PRR3: variants seen among roughly 807,000 people sequenced by gnomAD.
The protein encoded by PRR3 is proline rich 3, also known as proline-rich protein 3.
A neutral mutation model predicts 22.4 loss-of-function variants in PRR3; 16 were observed. The ratio of observed to expected loss-of-function variants is 0.71; its 90% CI spans 0.48 to 1.09. PRR3 has a LOEUF of 1.09. Ranked by LOEUF, PRR3 falls within the 50% of genes least tolerant of loss-of-function variation. The probability of loss-of-function intolerance (pLI) is 0.00; values close to 1 mark genes in which losing one functional copy is unlikely to be tolerated. For synonymous variants in PRR3, 87 were observed against 88.6 expected (o/e 0.98, Z 0.10); for missense variants, 224 against 243.4 (o/e 0.92, Z 0.53).
rs558174691 is a variant in PRR3, at chr6:30,562,574, C to G, written c.*79C>G. 5.1e-5 allele frequency: 45 copies of G among 889,278 alleles called. No individual in the cohort carries two copies. The African/African-American group carries it at 5.8e-4, about 11-fold the overall frequency. 55.1% of individuals were successfully genotyped at this position (889,278 alleles called of 1,614,324 possible). On this transcript the variant is annotated 3_prime_UTR_variant, in exon 4 of 4. Coordinates refer to ENST00000376560, the MANE Select transcript of PRR3 (RefSeq NM_025263.4). ...TTATTTCTCTGTAGCCCTATGATGG[C>G]TACTGTGAGGCTCTTCTAACACCCT...
chr6:30,561,771 G>A lies in PRR3; in HGVS notation c.170-63G>A. On this transcript the variant is annotated intron_variant, in intron 2 of 3. Transcript: ENST00000376560. This position sits in a 1 kb window ranked among gnomAD's most constrained non-coding sequence, Gnocchi z 4.0. The stretch of plus-strand genomic sequence containing the variant: ...AATAAAAAAAATTTTTTTAATCACG[G>A]TTTATCAGGATTCAGCTGCCCATTA... The A allele has an allele frequency of 1.4e-6, 2 of 1,449,544 alleles. No homozygotes were observed. Among genetic ancestry groups the A allele is most frequent in the Non-Finnish European group, 9.1e-7 (1 of 1,096,770 alleles). The allele number at this position is 1,449,544 out of a possible 1,614,324, so 89.8% of individuals were successfully genotyped here. A position where few individuals can be genotyped will look rare whatever the true frequency, so the allele number is the denominator to read the frequency against.
Position 30,563,677 on chromosome 6 carries a change from T to A in PRR3, c.*1182T>A, listed in dbSNP as rs1286331743. 6.6e-6 allele frequency: 1 copy of A among 152,226 alleles called. No homozygotes were observed. Among genetic ancestry groups the A allele is most frequent in the African/African-American group, 2.4e-5 (1 of 41,384 alleles). 9.4% of individuals were successfully genotyped at this position (152,226 alleles called of 1,614,324 possible). ...TTTTTTTTTTTTTTTCTTTTTAACT[T>A]TTTTTATATTAGTAATAAATGCAGT... On this transcript the variant is annotated 3_prime_UTR_variant, in exon 4 of 4. Transcript: ENST00000376560.
intron 1 of PRR3, 51 bp from the exon 2 acceptor site, chr6:30,558,099 C>T (rs1183067815): frequency 1.1e-5 from 15 of 1,424,390 alleles, no homozygotes; most frequent in African/African-American, 1.4e-5. Flanking sequence ...AGAACAGAAT[C>T]ATCAGTCCTT....
intron 2 of PRR3, among the ~76,000 whole-genome samples, chr6:30,558,854 A>C (rs1800429959): frequency 6.6e-6 from 1 of 152,206 alleles, no homozygotes; most frequent in South Asian, 2.1e-4. Flanking sequence ...ATGATATTGG[A>C]TCAATTGGAT....
chr6:30,557,245 G>T, upstream of PRR3: 1 of 900,842 alleles, frequency 1.1e-6, no homozygotes, highest in Non-Finnish European at 1.8e-6. Context: ...GGGAGCCTCA[G>T]CATTGCTGCC....
chr6:30,559,383 G>GAAAA (rs1458758225), intron 2 of PRR3, among the ~76,000 whole-genome samples: 3 of 151,782 alleles, frequency 2.0e-5, no homozygotes, highest in African/African-American at 7.3e-5. Context: ...TCAAAAAAAA[G>GAAAA]AAAAAACAAA....
At chr6:30,558,873 G>GA (rs1168043594) in intron 2 of PRR3, among the ~76,000 whole-genome samples, 3 of 151,852 alleles carry the variant, frequency 2.0e-5, no homozygotes, top group African/African-American at 7.3e-5. Flanking sequence ...ATATTCATGT[G>GA]AAAAAAATGG....
At position 30,562,788 on chromosome 6, in the gene PRR3, C is replaced by G; in HGVS notation, c.*293C>G. ...TTCCCGTCATCAAATGACTGCTGAA[C>G]AGGAAACCTCTTTGGTGCTGTTTCT... On this transcript the variant is annotated 3_prime_UTR_variant, in exon 4 of 4. Transcript: ENST00000376560. The G allele has an allele frequency of 3.2e-6, 1 of 313,038 alleles. No individual in the cohort carries two copies. Among genetic ancestry groups the G allele is most frequent in the Non-Finnish European group, 5.9e-6 (1 of 170,458 alleles). 19.4% of individuals were successfully genotyped at this position (313,038 alleles called of 1,614,324 possible).
chr6:30,562,248 C>T, intron 3 of PRR3, 124 bp downstream of exon 3: 5 of 1,252,210 alleles, frequency 4.0e-6, no homozygotes, highest in Non-Finnish European at 5.6e-6. Flanking sequence ...TGTTATTTCT[C>T]CCAGGAGAAA....
At chr6:30,558,288 G>A (rs1043639051) in intron 2 of PRR3, 76 bp downstream of exon 2, 1 of 1,224,170 alleles carries the variant, frequency 8.2e-7, no homozygotes, top group African/African-American at 1.5e-5. Flanking sequence ...ACCCAGGAAG[G>A]ACTTAAAAAT....
chr6:30,562,296 A>G, intron 3 of PRR3, 93 bp from the exon 4 acceptor site: 1 of 1,176,674 alleles, frequency 8.5e-7, no homozygotes, highest in Non-Finnish European at 1.2e-6. Flanking sequence ...GGTAGGGGGT[A>G]GAAAATCAGT....
In PRR3 at chr6:30,561,993, T is replaced by C. The variant is rs1800668226; in HGVS notation, c.329T>C (p.Phe110Ser). The change falls in exon 3 of 4, where the codon TTT (phenylalanine) becomes TCT (serine). Residue 110 changes from phenylalanine to serine, a missense_variant. Coordinates refer to ENST00000376560, the MANE Select transcript of PRR3 (RefSeq NM_025263.4). The surrounding 1 kb of genome is among the most constrained non-coding windows in gnomAD (Gnocchi z 4.0). ...TGGGGAGTCAATGCAGAACCTCCTT[T>C]TCCGGGGCCAGGCCATGGGGGTCCC... ...GWWGVNAEPP[F>S]PGPGHGGPTR... 2 of 1,612,852 alleles carry C rather than the reference T, an allele frequency of 1.2e-6. No homozygotes were observed. Among genetic ancestry groups the C allele is most frequent in the Non-Finnish European group, 1.7e-6 (2 of 1,180,014 alleles).
intron 2 of PRR3, chr6:30,560,736 T>A (rs1800575477): frequency 6.6e-6 from 1 of 152,252 alleles, no homozygotes; most frequent in Admixed American, 6.5e-5. Context: ...TGAGCCAAGA[T>A]CGCGCCACTG....
intron 3 of PRR3, 62 bp downstream of exon 3, chr6:30,562,186 A>G: frequency 2.7e-6 from 4 of 1,489,838 alleles, no homozygotes; most frequent in Non-Finnish European, 3.6e-6. Flanking sequence ...AAGATCATTC[A>G]CAATCTTCTC....
Position 30,562,474 on chromosome 6 carries a change from C to T in PRR3, c.546C>T (p.Gly182=), listed in dbSNP as rs758158383. 9.9e-6 allele frequency: 16 copies of T among 1,610,114 alleles called. No individual in the cohort carries two copies. In the South Asian group the frequency reaches 1.1e-4, roughly 11 times the overall value. ...YEDLCAFYHP[G]VNGPPL is the part of the protein sequence containing the mutation. Reference sequence around the variant, plus strand: ...ACCTCTGTGCCTTCTACCATCCAGGCGTCAATGGACCTCCTCTGTGAGACT... The same window carrying T: ...ACCTCTGTGCCTTCTACCATCCAGGTGTCAATGGACCTCCTCTGTGAGACT... The change falls in exon 4 of 4, where the codon GGC becomes GGT. Residue 182 remains glycine (G), a synonymous_variant. Coordinates refer to ENST00000376560, the MANE Select transcript of PRR3 (RefSeq NM_025263.4).
upstream of PRR3, chr6:30,556,868 A>C: frequency 1.7e-6 from 1 of 590,228 alleles, no homozygotes; most frequent in Non-Finnish European, 3.0e-6. The surrounding 1 kb of genome is among the most constrained non-coding windows in gnomAD (Gnocchi z 5.7). Flanking sequence ...CATAAGTGCA[A>C]AAGCGGGCGA....
At chr6:30,557,509 G>C in intron 1 of PRR3, 59 bp downstream of exon 1, 3 of 1,254,594 alleles carry the variant, frequency 2.4e-6, no homozygotes, top group East Asian at 2.4e-5. Context: ...CAAGGGGCTA[G>C]GGGCTAATAA....
Position 30,561,920 on chromosome 6 carries a change from A to T in PRR3, c.256A>T (p.Ile86Phe), listed in dbSNP as rs371325781. 6 of 1,612,764 alleles carry T rather than the reference A, an allele frequency of 3.7e-6. No individual in the cohort carries two copies. The highest frequency in any genetic ancestry group is 5.1e-6 in the Non-Finnish European group (6 of 1,179,920). Residue 86 changes from isoleucine (I) to phenylalanine (F), a missense_variant, in exon 3 of 4, where the codon ATT (isoleucine) becomes TTT (phenylalanine). Coordinates refer to ENST00000376560, the MANE Select transcript of PRR3 (RefSeq NM_025263.4). This position sits in a 1 kb window ranked among gnomAD's most constrained non-coding sequence, Gnocchi z 4.0. Reference protein sequence around the residue: ...LPPPPWGRGPIRRGLGPRSSP... With the variant: ...LPPPPWGRGPFRRGLGPRSSP... ...ACCTCCTCCTTGGGGTAGAGGCCCA[A>T]TTCGGAGAGGGCTTGGCCCCAGGTC... is the stretch of plus-strand genomic sequence containing the variant.
rs370172960 is a variant in PRR3 at position 30,563,640 on chromosome 6, T to G, written c.*1145T>G. On this transcript the variant is annotated 3_prime_UTR_variant, in exon 4 of 4. Transcript: ENST00000376560. ...GGAGGGGTGAGAGCTGTTGGAGAAC[T>G]GAGAATGAGGTTTTTTTTTTTTTTT... The G allele has an allele frequency of 6.6e-6, 1 of 151,160 alleles. No individual in the cohort carries two copies. The highest frequency in any genetic ancestry group is 2.4e-5 in the African/African-American group (1 of 41,026). 9.4% of individuals were successfully genotyped at this position (151,160 alleles called of 1,614,324 possible). A position where few individuals can be genotyped will look rare whatever the true frequency, so the allele number is the denominator to read the frequency against.
Sources: gnomAD v4.1 joint callset for allele counts (sites outside exome capture counted in the v4.1 genomes callset) on GRCh38, gnomAD v4.1.1 for gene constraint, Gnocchi (gnomAD v3.1) non-coding constraint, MANE v1.5 for transcripts, NCBI Gene and HGNC (gene_info 2026-07-23, HGNC 2026-07-21) for gene names.